WNT2: variants seen among roughly 807,000 people sequenced by gnomAD.
WNT2 encodes the protein protein Wnt-2.
WNT2 carries 12 observed loss-of-function variants against 36.9 expected under a neutral mutation model. That is an observed-to-expected ratio of 0.33 (90% CI 0.21 to 0.53). The LOEUF (loss-of-function observed/expected upper bound fraction) is 0.53, where lower values mean the gene tolerates loss of function less well. Ranked by LOEUF, WNT2 falls within the 20% of genes least tolerant of loss-of-function variation. The pLI is 0.95. For missense variants in WNT2, 379 were observed against 473.1 expected, an observed-to-expected ratio of 0.80 and a Z score of 1.84; for synonymous variants, 163 against 174.6, an observed-to-expected ratio of 0.93 and a Z score of 0.52.
intron 4 of WNT2, among the ~76,000 whole-genome samples, chr7:117,297,077 G>A (rs1017270069): frequency 2.0e-5 from 3 of 152,136 alleles, no homozygotes; most frequent in Non-Finnish European, 2.9e-5. Context: ...AGTGTGCATA[G>A]TCCACTAACT....
chr7:117,304,066 A>C (rs1207840108), intron 3 of WNT2, among the ~76,000 whole-genome samples: 1 of 152,218 alleles, frequency 6.6e-6, no homozygotes, highest in African/African-American at 2.4e-5. Flanking sequence ...TTTTTGCTGC[A>C]GTACAGTGTT....
chr7:117,278,453 G>A (rs1487099104), intron 4 of WNT2, 69 bp from the exon 5 acceptor site: 1 of 1,436,316 alleles, frequency 7.0e-7, no homozygotes, highest in Admixed American at 2.0e-5. Flanking sequence ...CAGAGGAGGA[G>A]TCACGAGGTC....
intron 3 of WNT2, 98 bp downstream of exon 3, chr7:117,314,973 A>G (rs556443094): frequency 1.1e-5 from 17 of 1,516,062 alleles, no homozygotes; most frequent in Middle Eastern, 4.8e-4. Flanking sequence ...GTGACTACAC[A>G]GCATTTTATC....
At chr7:117,310,582 C>CA (rs774296887) in intron 3 of WNT2, among the ~76,000 whole-genome samples, 17,207 of 52,730 alleles carry the variant, frequency 0.33, 2,141 homozygotes, top group Non-Finnish European at 0.37. Context: ...GACCCTGTCT[C>CA]AAAAAAAAAA....
chr7:117,306,445 A>G (rs915863710), intron 3 of WNT2, among the ~76,000 whole-genome samples: 2 of 152,240 alleles, frequency 1.3e-5, no homozygotes, highest in African/African-American at 4.8e-5. Context: ...ATCAATTACA[A>G]TGACTTGCTG....
At chr7:117,296,608 G>A (rs1410793398) in intron 4 of WNT2, among the ~76,000 whole-genome samples, 18 of 152,202 alleles carry the variant, frequency 1.2e-4, no homozygotes, top group Admixed American at 8.5e-4. Context: ...TATGAATTTA[G>A]ACTTGTACTC....
In WNT2 at chr7:117,276,363, C is replaced by T. The variant is rs975870971; in HGVS notation, c.*1792G>A. Among the ~76,000 whole-genome samples, 1 of 152,240 alleles carries T rather than the reference C, an allele frequency of 6.6e-6. No individual in the cohort carries two copies. Among genetic ancestry groups the T allele is most frequent in the Non-Finnish European group, 1.5e-5 (1 of 68,042 alleles). ...TGAAGACTGAGCAGCTGCCCATGTG[C>T]CTGGCCTTCTTCACACCAAGCTCAG... is the stretch of plus-strand genomic sequence containing the variant. On this transcript the variant is annotated 3_prime_UTR_variant, in exon 5 of 5. Transcript: ENST00000265441.
chr7:117,306,229 A>G (rs2116372119), intron 3 of WNT2, among the ~76,000 whole-genome samples: 1 of 152,156 alleles, frequency 6.6e-6, no homozygotes, highest in Middle Eastern at 3.4e-3. Flanking sequence ...AATTTTAATG[A>G]AGTTTGGGAG....
intron 3 of WNT2, among the ~76,000 whole-genome samples, chr7:117,298,393 AC>A (rs1794835334): frequency 6.6e-6 from 1 of 152,162 alleles, no homozygotes; most frequent in Non-Finnish European, 1.5e-5. Context: ...TTTGCAGATG[AC>A]CGAGAAGCAA....
In WNT2 at chr7:117,320,659, G is replaced by A; in HGVS notation, c.218C>T (p.Thr73Ile). 1 of 1,613,966 alleles carries A rather than the reference G, an allele frequency of 6.2e-7. No individual in the cohort carries two copies. Among genetic ancestry groups the A allele is most frequent in the Non-Finnish European group, 8.5e-7 (1 of 1,179,946 alleles). ...RAISQGVAEW[T>I]AECQHQFRQH... ...GCGGAACTGGTGCTGGCATTCTGCT[G>A]TCCACTCGGCCACGCCCTGGCTAAT... is the stretch of plus-strand genomic sequence containing the variant. The change falls in exon 2 of 5, where the codon ACA (threonine) becomes ATA (isoleucine). Residue 73 changes from threonine to isoleucine, a missense_variant. By Grantham distance (89) the Thr-to-Ile change is moderately conservative. Coordinates refer to ENST00000265441, the MANE Select transcript of WNT2 (RefSeq NM_003391.3).
chr7:117,319,526 G>GC (rs1199044025), intron 2 of WNT2, among the ~76,000 whole-genome samples: 1 of 148,426 alleles, frequency 6.7e-6, no homozygotes, highest in Admixed American at 6.6e-5. Flanking sequence ...AGGAATTGGG[G>GC]GGGGGGGTAG....
In WNT2 at chr7:117,278,067, C is replaced by A; in HGVS notation, c.*88G>T. 2.1e-6 allele frequency: 3 copies of A among 1,444,224 alleles called. No homozygotes were observed. Among genetic ancestry groups the A allele is most frequent in the Non-Finnish European group, 1.9e-6 (2 of 1,043,976 alleles). The allele number at this position is 1,444,224 out of a possible 1,614,324, so 89.5% of individuals were successfully genotyped here. The stretch of plus-strand genomic sequence containing the variant: ...AAGGCCACATGCCTTAGGAAATATC[C>A]CCCCAGAAAGAACCCAAAGGTCCAG... On this transcript the variant is annotated 3_prime_UTR_variant, in exon 5 of 5. Transcript: ENST00000265441.
chr7:117,318,302 C>A (rs912368301), intron 2 of WNT2, among the ~76,000 whole-genome samples: 6 of 152,034 alleles, frequency 3.9e-5, no homozygotes, highest in Non-Finnish European at 8.8e-5. Context: ...TGATTATTTC[C>A]AGGATAAGCT....
chr7:117,307,093 A>C (rs892271171), intron 3 of WNT2, among the ~76,000 whole-genome samples: 1 of 152,114 alleles, frequency 6.6e-6, no homozygotes, highest in African/African-American at 2.4e-5. Flanking sequence ...AAACTTCTAG[A>C]TATTAGCATT....
intron 2 of WNT2, among the ~76,000 whole-genome samples, chr7:117,317,486 C>G (rs1795243909): frequency 6.8e-6 from 1 of 146,942 alleles, no homozygotes; most frequent in African/African-American, 2.6e-5. Context: ...ATTTTACCTC[C>G]AGATGGTTTG....
intron 2 of WNT2, among the ~76,000 whole-genome samples, chr7:117,317,176 A>G (rs575196298): frequency 2.0e-5 from 3 of 152,314 alleles, no homozygotes; most frequent in African/African-American, 7.2e-5. Context: ...GAAGTGGTCT[A>G]TTACGGGAAA....
chr7:117,279,598 C>A (rs1794444539), intron 4 of WNT2, among the ~76,000 whole-genome samples: 1 of 152,172 alleles, frequency 6.6e-6, no homozygotes, highest in Non-Finnish European at 1.5e-5. Flanking sequence ...ACAGTGAAGA[C>A]AAGACATGGA....
intron 2 of WNT2, among the ~76,000 whole-genome samples, chr7:117,320,287 C>G (rs1211652371): frequency 6.6e-6 from 1 of 152,166 alleles, no homozygotes; most frequent in East Asian, 1.9e-4. Context: ...GAAGTCTGAA[C>G]CTGGAGGATG....
rs572540931 is a variant in WNT2, at chr7:117,278,070, C to T, written c.*85G>A. ...GCCACATGCCTTAGGAAATATCCCC[C>T]CAGAAAGAACCCAAAGGTCCAGTGT... On this transcript the variant is annotated 3_prime_UTR_variant, in exon 5 of 5. Transcript: ENST00000265441. 28 of 1,471,618 alleles carry T rather than the reference C, an allele frequency of 1.9e-5. No individual in the cohort carries two copies. In the South Asian group the frequency reaches 2.8e-4, roughly 15 times the overall value. The allele number at this position is 1,471,618 out of a possible 1,614,324, so 91.2% of individuals were successfully genotyped here.
Sources: allele counts gnomAD v4.1 joint callset (sites outside exome capture counted in the v4.1 genomes callset), GRCh38; gene constraint gnomAD v4.1.1; transcripts MANE v1.5; gene names NCBI Gene and HGNC (gene_info 2026-07-23, HGNC 2026-07-21).